Variants in NXPE4 observed in about 807,000 individuals in gnomAD.
NXPE4 encodes neurexophilin and PC-esterase domain family member 4.
Under a neutral mutation model 33.3 loss-of-function variants are expected in NXPE4, and 42 were observed. The observed-to-expected ratio is 1.26, with a 90% CI of 0.98 to 1.63. The LOEUF (loss-of-function observed/expected upper bound fraction) is 1.63. Among genes scored for constraint, NXPE4 ranks in the 40% most tolerant of loss-of-function variants. The pLI is 0.00. For missense variants in NXPE4, 709 were observed against 647.6 expected (o/e 1.09, Z -1.03); for synonymous variants, 253 against 234.9 (o/e 1.08, Z -0.71).
chr11:114,619,688 A>C, the NXPE4 span, among the ~76,000 whole-genome samples: 1 of 151,180 alleles, frequency 6.6e-6, no homozygotes, highest in South Asian at 2.1e-4. Flanking sequence ...ACTGTTTCCC[A>C]GTGGATAATA....
the NXPE4 span, among the ~76,000 whole-genome samples, chr11:114,624,104 A>C: frequency 6.6e-6 from 1 of 150,630 alleles, no homozygotes; most frequent in African/African-American, 2.4e-5. Context: ...AATAGGTTTT[A>C]TGTCGTGGGT....
chr11:114,678,150 C>T, the NXPE4 span, among the ~76,000 whole-genome samples: 5 of 151,998 alleles, frequency 3.3e-5, no homozygotes, highest in Non-Finnish European at 5.9e-5. Context: ...CTTCAGGAAC[C>T]GTGGACTCAG....
At chr11:114,622,119 C>T in the NXPE4 span, among the ~76,000 whole-genome samples, 93 of 151,120 alleles carry the variant, frequency 6.2e-4, no homozygotes, top group Admixed American at 3.5e-3. Context: ...CACTGTTACT[C>T]GGTGGATAAT....
At chr11:114,651,848 T>C in the NXPE4 span, among the ~76,000 whole-genome samples, 1 of 152,140 alleles carries the variant, frequency 6.6e-6, no homozygotes, top group Non-Finnish European at 1.5e-5. Flanking sequence ...AGAAAAGTTC[T>C]CCAAGTCCCC....
chr11:114,649,781 A>C, the NXPE4 span, among the ~76,000 whole-genome samples: 1 of 152,198 alleles, frequency 6.6e-6, no homozygotes, highest in Non-Finnish European at 1.5e-5. Context: ...CCTCCAGAAT[A>C]GACTTTCTGC....
chr11:114,608,206 G>A, the NXPE4 span, among the ~76,000 whole-genome samples: 1 of 151,768 alleles, frequency 6.6e-6, no homozygotes, highest in South Asian at 2.1e-4. Flanking sequence ...TTACCCGGTG[G>A]ATAATACGTG....
the NXPE4 span, among the ~76,000 whole-genome samples, chr11:114,645,128 C>G: frequency 6.6e-6 from 1 of 151,852 alleles, no homozygotes; most frequent in South Asian, 2.1e-4. Context: ...ATGGTGAAAC[C>G]CCATCTTTAC....
the NXPE4 span, among the ~76,000 whole-genome samples, chr11:114,640,216 G>A: frequency 4.7e-3 from 622 of 131,888 alleles, 10 homozygotes; most frequent in African/African-American, 0.017. Flanking sequence ...ATTTTAAAAT[G>A]TAATTTATAT....
intron 5 of NXPE4, among the ~76,000 whole-genome samples, chr11:114,577,844 T>G (rs1019553622): frequency 3.3e-5 from 5 of 152,226 alleles, no homozygotes; most frequent in Non-Finnish European, 5.9e-5. Flanking sequence ...TATTCTGTAC[T>G]TCTGTGTTTC....
upstream of NXPE4, among the ~76,000 whole-genome samples, chr11:114,596,467 C>T (rs1949573993): frequency 6.6e-6 from 1 of 152,120 alleles, no homozygotes; most frequent in African/African-American, 2.4e-5. Context: ...TAAGCATGCC[C>T]ATCAATCTTT....
chr11:114,608,881 C>T, the NXPE4 span, among the ~76,000 whole-genome samples: 5 of 137,014 alleles, frequency 3.6e-5, no homozygotes, highest in African/African-American at 1.3e-4. Context: ...CCGGTGGATA[C>T]CAAGTATTGC....
the NXPE4 span, among the ~76,000 whole-genome samples, chr11:114,646,858 A>T: frequency 6.6e-6 from 1 of 152,194 alleles, no homozygotes. Flanking sequence ...GTTTATCCAA[A>T]AAACAAAAAA....
At chr11:114,585,756 A>C (rs1463640118) in intron 2 of NXPE4, among the ~76,000 whole-genome samples, 1 of 152,150 alleles carries the variant, frequency 6.6e-6, no homozygotes, top group Non-Finnish European at 1.5e-5. Flanking sequence ...GGAGCCCCCA[A>C]ATCATTTCTT....
upstream of NXPE4, among the ~76,000 whole-genome samples, chr11:114,600,253 G>C (rs1949621852): frequency 6.6e-6 from 1 of 152,154 alleles, no homozygotes; most frequent in South Asian, 2.1e-4. Context: ...AACATAACCA[G>C]TAAGAAGACA....
At chr11:114,584,603 G>T in intron 2 of NXPE4, 1 of 158,282 alleles carries the variant, frequency 6.3e-6, no homozygotes, top group Non-Finnish European at 1.4e-5. Flanking sequence ...GAAAAAGAGA[G>T]ACTCAGAGAT....
chr11:114,632,509 A>C, the NXPE4 span, among the ~76,000 whole-genome samples: 1 of 124,254 alleles, frequency 8.0e-6, no homozygotes, highest in Non-Finnish European at 1.6e-5. Context: ...ATAGTATTTT[A>C]TTTTATATTA....
chr11:114,603,438 A>T, the NXPE4 span, among the ~76,000 whole-genome samples: 1 of 151,130 alleles, frequency 6.6e-6, no homozygotes, highest in Admixed American at 6.6e-5. Context: ...CTCGTCTCCT[A>T]GGTAAATTCC....
At chr11:114,607,318 T>C in the NXPE4 span, among the ~76,000 whole-genome samples, 66 of 139,220 alleles carry the variant, frequency 4.7e-4, no homozygotes, top group East Asian at 0.015. Flanking sequence ...TGGGTCACCA[T>C]TGTTAGCCCG....
At chr11:114,640,384 A>C in the NXPE4 span, among the ~76,000 whole-genome samples, 3 of 150,390 alleles carry the variant, frequency 2.0e-5, no homozygotes, top group African/African-American at 7.3e-5. Context: ...TTATCCACTC[A>C]TGTGTTCGTC....
Sources: gnomAD v4.1 joint callset for allele counts (sites outside exome capture counted in the v4.1 genomes callset) on GRCh38, gnomAD v4.1.1 for gene constraint, MANE v1.5 for transcripts, NCBI Gene and HGNC (gene_info 2026-07-23, HGNC 2026-07-21) for gene names.